Variants in PRKG1 observed in about 807,000 individuals in gnomAD.
PRKG1 encodes cGMP-dependent protein kinase 1.
Under a neutral mutation model 88.1 loss-of-function variants are expected in PRKG1, and 35 were observed. That is an observed-to-expected ratio of 0.40 (90% confidence interval 0.30 to 0.53). The LOEUF is 0.53. Ranked by LOEUF, PRKG1 falls within the 20% of genes least tolerant of loss-of-function variation. PRKG1 has a pLI of 0.59. For synonymous variants in PRKG1, 303 were observed against 292.5 expected, an observed-to-expected ratio of 1.04 and a Z score of -0.37; for missense variants, 540 against 839.8, an observed-to-expected ratio of 0.64 and a Z score of 4.41.
chr10:51,802,904 G>A (rs1839211983), intron 3 of PRKG1, among the ~76,000 whole-genome samples: 1 of 152,084 alleles, frequency 6.6e-6, no homozygotes, highest in Non-Finnish European at 1.5e-5. Context: ...AAACCGTGCA[G>A]CAACACTACG....
rs1445566444 is a variant in PRKG1, at chr10:52,296,961, A to G, written c.*3061A>G. On this transcript the variant is annotated 3_prime_UTR_variant, in exon 18 of 18. Coordinates refer to ENST00000373980, the MANE Select transcript of PRKG1 (RefSeq NM_006258.4). ...TGTGTAGTAATAAACTCAACTATTG[A>G]ATTTTTCCTGTTTCATTTCTAAATG... The G allele has an allele frequency of 1.3e-5, 2 of 152,078 alleles. No homozygotes were observed. The highest frequency in any genetic ancestry group is 2.9e-5 in the Non-Finnish European group (2 of 67,980). 9.4% of individuals were successfully genotyped at this position (152,078 alleles called of 1,614,324 possible).
rs375382268 is a variant in PRKG1, at chr10:51,261,881, A to ATTTT, written c.478+108569_478+108572dup. On this transcript the variant is annotated intron_variant, in intron 2 of 17. Coordinates refer to ENST00000373980, the MANE Select transcript of PRKG1 (RefSeq NM_006258.4). ...AAGCCAGCGTGGTTAGGATTTTCTA[A>ATTTT]TTTTTTTTTTTTTTTTTTTTTGAGA... Among the ~76,000 whole-genome samples, 315 of 120,602 alleles carry ATTTT rather than the reference A, an allele frequency of 2.6e-3. 8 individuals are homozygous for ATTTT. Among genetic ancestry groups the ATTTT allele is most frequent in the African/African-American group, 0.011 (304 of 28,664 alleles). 79.1% of individuals were successfully genotyped at this position (120,602 alleles called of 152,430 possible). A position where few individuals can be genotyped will look rare whatever the true frequency, so the allele number is the denominator to read the frequency against.
chr10:51,072,087 C>G (rs1843839019), upstream of PRKG1, among the ~76,000 whole-genome samples: 1 of 151,968 alleles, frequency 6.6e-6, no homozygotes, highest in South Asian at 2.1e-4. Context: ...CCCAGCTACT[C>G]CGGAGGCTGA....
At chr10:51,469,401 G>A (rs889437042) in intron 3 of PRKG1, among the ~76,000 whole-genome samples, 6 of 151,758 alleles carry the variant, frequency 4.0e-5, no homozygotes, top group African/African-American at 1.4e-4. Flanking sequence ...CCAACAGTTG[G>A]TAATAACATG....
At chr10:51,622,071 T>A (rs986877071) in intron 3 of PRKG1, among the ~76,000 whole-genome samples, 24 of 152,218 alleles carry the variant, frequency 1.6e-4, no homozygotes, top group African/African-American at 4.6e-4. Flanking sequence ...CCAAATCTGA[T>A]GACATGTGGC....
chr10:52,166,819 G>GTATATATATATATATATATGTA (rs370403466), intron 9 of PRKG1, among the ~76,000 whole-genome samples: 2 of 55,314 alleles, frequency 3.6e-5, no homozygotes, highest in Non-Finnish European at 8.3e-5. Flanking sequence ...GTATATATAT[G>GTATATATATATATATATATGTA]TATATATATG....
Position 52,258,343 on chromosome 10 carries a change from A to G in PRKG1, c.1173+6677A>G, listed in dbSNP as rs1564535247. Among the ~76,000 whole-genome samples, 3 of 139,462 alleles carry G rather than the reference A, an allele frequency of 2.2e-5. 1 individual carries two copies. The highest frequency in any genetic ancestry group is 4.9e-5 in the Non-Finnish European group (3 of 61,692). 91.5% of individuals were successfully genotyped at this position (139,462 alleles called of 152,430 possible). ...ATACTTGCCTTTTTTGTTTTCTATG[A>G]CATAAATATTATTTCTTTAATCCAA... On this transcript the variant is annotated intron_variant, in intron 10 of 17. Coordinates refer to ENST00000373980, the MANE Select transcript of PRKG1 (RefSeq NM_006258.4).
intron 5 of PRKG1, among the ~76,000 whole-genome samples, chr10:51,955,508 T>A (rs529568814): frequency 1.3e-5 from 2 of 152,310 alleles, no homozygotes; most frequent in Admixed American, 1.3e-4. Context: ...TACATGCATT[T>A]GTTAACTATT....
In PRKG1 at chr10:51,539,188, T is replaced by G. The variant is rs116204024; in HGVS notation, c.592+71352T>G. On this transcript the variant is annotated intron_variant, in intron 3 of 17. Transcript: ENST00000373980. ...TTATGTTCTTTAACATAAACAGTAT[T>G]CACAGTATAGAGATTTGCTAAATTC... Among the ~76,000 whole-genome samples, 1,075 of 152,264 alleles carry G rather than the reference T, an allele frequency of 7.1e-3. 12 individuals are homozygous for G. The highest frequency in any genetic ancestry group is 0.025 in the African/African-American group (1,021 of 41,574).
At chr10:52,272,011 T>G (rs540320299) in intron 11 of PRKG1, among the ~76,000 whole-genome samples, 2 of 152,154 alleles carry the variant, frequency 1.3e-5, no homozygotes, top group South Asian at 2.1e-4. Context: ...CATATGAAAT[T>G]TATACATGTC....
At chr10:52,279,469 C>T (rs1032235308) in intron 12 of PRKG1, among the ~76,000 whole-genome samples, 6 of 152,160 alleles carry the variant, frequency 3.9e-5, no homozygotes, top group Admixed American at 1.3e-4. Context: ...TTAGGAAAAG[C>T]TGGTTATTTC....
intron 3 of PRKG1, among the ~76,000 whole-genome samples, chr10:51,707,203 C>G (rs1167126000): frequency 6.6e-6 from 1 of 152,128 alleles, no homozygotes. Context: ...TTGTACTAAA[C>G]CATGAAATGC....
chr10:51,745,504 A>G (rs1837553548), intron 3 of PRKG1, among the ~76,000 whole-genome samples: 3 of 152,162 alleles, frequency 2.0e-5, no homozygotes, highest in African/African-American at 7.2e-5. Flanking sequence ...GCATTTTTAG[A>G]TACATTAAAT....
intron 3 of PRKG1, among the ~76,000 whole-genome samples, chr10:51,581,976 A>G (rs1044548887): frequency 1.3e-5 from 2 of 152,142 alleles, no homozygotes; most frequent in Non-Finnish European, 2.9e-5. Context: ...AATGGTCCAC[A>G]AAGCACGTTT....
chr10:51,374,093 A>ATATATATAT (rs1554801054), intron 2 of PRKG1, among the ~76,000 whole-genome samples: 2 of 100,142 alleles, frequency 2.0e-5, no homozygotes, highest in Admixed American at 2.0e-4. Flanking sequence ...AAAAAAAAAA[A>ATATATATAT]ATATATATAT....
At chr10:50,997,409 C>T (rs1161100368) in intron 1 of PRKG1, among the ~76,000 whole-genome samples, 2 of 152,096 alleles carry the variant, frequency 1.3e-5, no homozygotes, top group Non-Finnish European at 2.9e-5. Flanking sequence ...AAATTTGACC[C>T]TCATGAAACT....
At position 52,280,918 on chromosome 10, in the gene PRKG1, T is replaced by C. The variant is rs1471575883; in HGVS notation, c.1533T>C (p.Gly511=). Residue 511 remains glycine (G), a synonymous_variant, in exon 13 of 18, where the codon GGT becomes GGC. Coordinates refer to ENST00000373980, the MANE Select transcript of PRKG1 (RefSeq NM_006258.4). ...KPENLILDHR[G]YAKLVDFGFA... is the part of the protein sequence containing the mutation. Reference sequence around the variant, plus strand: ...AAAATCTCATCCTAGATCACCGAGGTTATGCCAAACTGGTCAGTGCATTTC... The same window carrying C: ...AAAATCTCATCCTAGATCACCGAGGCTATGCCAAACTGGTCAGTGCATTTC... The C allele has an allele frequency of 6.2e-7, 1 of 1,613,086 alleles. No individual in the cohort carries two copies.
chr10:51,296,760 C>A (rs1264622353), intron 2 of PRKG1, among the ~76,000 whole-genome samples: 1 of 151,912 alleles, frequency 6.6e-6, no homozygotes, highest in Non-Finnish European at 1.5e-5. Context: ...GGTGTAAAGT[C>A]ATGTTGCTTA....
At chr10:51,596,981 C>G (rs1453761382) in intron 3 of PRKG1, among the ~76,000 whole-genome samples, 3 of 152,140 alleles carry the variant, frequency 2.0e-5, no homozygotes, top group African/African-American at 4.8e-5. Flanking sequence ...GGACTGATTA[C>G]TTACTTTCTC....
Sources: allele counts gnomAD v4.1 joint callset (sites outside exome capture counted in the v4.1 genomes callset), GRCh38; gene constraint gnomAD v4.1.1; transcripts MANE v1.5; gene names NCBI Gene and HGNC (gene_info 2026-07-23, HGNC 2026-07-21).